Variants in RNF220 observed in about 807,000 individuals in gnomAD.
RNF220 encodes ring finger protein 220, also known as E3 ubiquitin-protein ligase RNF220.
A neutral mutation model predicts 67.1 loss-of-function variants in RNF220; 7 were observed. The observed-to-expected ratio is 0.10, with a 90% CI of 0.06 to 0.20. The LOEUF is 0.20. RNF220 is among the 10% of genes least tolerant of loss of function. RNF220 has a pLI of 1.00. For missense variants in RNF220, 565 were observed against 740.3 expected (o/e 0.76, Z 2.75); for synonymous variants, 270 against 283.2 (o/e 0.95, Z 0.47).
intron 2 of RNF220, among the ~76,000 whole-genome samples, chr1:44,592,031 C>G (rs899234392): frequency 6.6e-6 from 1 of 152,158 alleles, no homozygotes; most frequent in African/African-American, 2.4e-5. Context: ...TCCACACCCC[C>G]AGAGGACTGG....
At chr1:44,623,261 C>T (rs1386144900) in intron 4 of RNF220, among the ~76,000 whole-genome samples, 1 of 152,116 alleles carries the variant, frequency 6.6e-6, no homozygotes, top group Non-Finnish European at 1.5e-5. Context: ...CTGAGGGGAA[C>T]AAGGAGCCAA....
intron 2 of RNF220, among the ~76,000 whole-genome samples, chr1:44,450,702 A>G (rs1352495333): frequency 1.3e-5 from 2 of 152,134 alleles, no homozygotes; most frequent in Non-Finnish European, 2.9e-5. Flanking sequence ...ACCACAATTT[A>G]TTTGGTTATT....
intron 1 of RNF220, among the ~76,000 whole-genome samples, chr1:44,409,075 C>T (rs1215571969): frequency 1.3e-5 from 2 of 152,252 alleles, no homozygotes; most frequent in East Asian, 3.9e-4. Flanking sequence ...ACGCGGACGT[C>T]TTCGTTTCAT....
chr1:44,542,286 T>C (rs1452888560), intron 2 of RNF220, among the ~76,000 whole-genome samples: 1 of 152,218 alleles, frequency 6.6e-6, no homozygotes, highest in Non-Finnish European at 1.5e-5. Context: ...GGGCAGGAGC[T>C]GACCAAGTCT....
intron 8 of RNF220, among the ~76,000 whole-genome samples, chr1:44,642,884 G>C (rs114909898): frequency 2.0e-5 from 3 of 152,160 alleles, no homozygotes; most frequent in African/African-American, 7.2e-5. Flanking sequence ...CTTGGGTGCC[G>C]CAAGCTGTAA....
At chr1:44,602,514 G>A (rs1476539707) in intron 2 of RNF220, among the ~76,000 whole-genome samples, 1 of 152,072 alleles carries the variant, frequency 6.6e-6, no homozygotes, top group Non-Finnish European at 1.5e-5. Context: ...CAGAGGTCAT[G>A]CTGGGAAGGT....
chr1:44,608,544 A>AT (rs1667443840), intron 2 of RNF220, among the ~76,000 whole-genome samples: 1 of 152,204 alleles, frequency 6.6e-6, no homozygotes, highest in Non-Finnish European at 1.5e-5. Flanking sequence ...CATCAGTGTG[A>AT]TAGAGACAGT....
At chr1:44,533,468 C>A (rs1410477328) in intron 2 of RNF220, among the ~76,000 whole-genome samples, 4 of 152,178 alleles carry the variant, frequency 2.6e-5, no homozygotes, top group African/African-American at 7.2e-5. Context: ...GCCTGGGCAA[C>A]AGAGTGAGAC....
intron 2 of RNF220, among the ~76,000 whole-genome samples, chr1:44,579,932 A>G (rs1189503837): frequency 6.8e-6 from 1 of 147,334 alleles, no homozygotes; most frequent in Non-Finnish European, 1.5e-5. Context: ...TGGGAGGCTA[A>G]GGTGAGAGGA....
chr1:44,521,934 C>T (rs1234643178), intron 2 of RNF220, among the ~76,000 whole-genome samples: 1 of 152,134 alleles, frequency 6.6e-6, no homozygotes, highest in Non-Finnish European at 1.5e-5. Context: ...AGAACAAGCA[C>T]CAAAGACCAA....
At chr1:44,601,811 T>A (rs564278051) in intron 2 of RNF220, among the ~76,000 whole-genome samples, 1 of 152,164 alleles carries the variant, frequency 6.6e-6, no homozygotes, top group Non-Finnish European at 1.5e-5. Context: ...GTGCTGAGAT[T>A]GGAAACTGTG....
intron 2 of RNF220, among the ~76,000 whole-genome samples, chr1:44,434,684 T>G (rs1006093914): frequency 6.7e-6 from 1 of 148,482 alleles, no homozygotes; most frequent in African/African-American, 2.5e-5. Flanking sequence ...ACAACTGCAC[T>G]CCAGCCTGGG....
chr1:44,550,022 A>G (rs1291810460), intron 2 of RNF220, among the ~76,000 whole-genome samples: 1 of 152,238 alleles, frequency 6.6e-6, no homozygotes, highest in African/African-American at 2.4e-5. Context: ...CTCTGCGAGG[A>G]CCTAGAGCCA....
chr1:44,631,895 G>T, intron 5 of RNF220: 1 of 986,030 alleles, frequency 1.0e-6, no homozygotes, highest in Non-Finnish European at 1.2e-6. Flanking sequence ...CAGCTTCCTG[G>T]TCTCTGTCCG....
chr1:44,427,486 G>T (rs1052651869), intron 2 of RNF220, among the ~76,000 whole-genome samples: 2 of 152,160 alleles, frequency 1.3e-5, no homozygotes, highest in East Asian at 1.9e-4. Context: ...TCCTTGAGAT[G>T]GGAACTGTGT....
intron 8 of RNF220, among the ~76,000 whole-genome samples, chr1:44,641,535 G>A (rs1301449482): frequency 6.6e-6 from 1 of 151,796 alleles, no homozygotes; most frequent in Non-Finnish European, 1.5e-5. Flanking sequence ...TCCAGCAGCT[G>A]AGAACATCAA....
intron 12 of RNF220, among the ~76,000 whole-genome samples, chr1:44,646,957 G>A (rs1330967933): frequency 6.6e-6 from 1 of 152,226 alleles, no homozygotes; most frequent in African/African-American, 2.4e-5. Flanking sequence ...ATGCCCTGGA[G>A]GGACTCAGGA....
intron 2 of RNF220, among the ~76,000 whole-genome samples, chr1:44,469,942 A>C (rs1010497075): frequency 1.5e-4 from 23 of 152,242 alleles, no homozygotes; most frequent in Non-Finnish European, 3.2e-4. Context: ...TCTTACTCTT[A>C]AGAACAATGG....
intron 2 of RNF220, among the ~76,000 whole-genome samples, chr1:44,605,694 G>A (rs1667226479): frequency 6.6e-6 from 1 of 152,186 alleles, no homozygotes; most frequent in African/African-American, 2.4e-5. Context: ...ACCCAATACA[G>A]TCTGGAGGAG....
Sources: gnomAD v4.1 joint callset for allele counts (sites outside exome capture counted in the v4.1 genomes callset) on GRCh38, gnomAD v4.1.1 for gene constraint, MANE v1.5 for transcripts, NCBI Gene and HGNC (gene_info 2026-07-23, HGNC 2026-07-21) for gene names.